Variants in EYS observed in about 807,000 individuals in gnomAD.
EYS encodes the protein protein eyes shut homolog.
In EYS, 250 loss-of-function variants were observed where a neutral mutation model predicts 282.1. The ratio of observed to expected loss-of-function variants is 0.89; its 90% CI spans 0.80 to 0.98. The LOEUF (loss-of-function observed/expected upper bound fraction) is 0.98, where lower values mean the gene tolerates loss of function less well. Among genes scored for constraint, EYS ranks in the 50% least tolerant of loss-of-function variants. The probability of loss-of-function intolerance (pLI) is 0.00; values close to 1 mark genes in which losing one functional copy is unlikely to be tolerated. For synonymous variants in EYS, 1,355 were observed against 1,282.9 expected, an observed-to-expected ratio of 1.06 and a Z score of -1.20; for missense variants, 4,016 against 3,709.0, an observed-to-expected ratio of 1.08 and a Z score of -2.15.
At chr6:64,562,737 A>C (rs990660929) in intron 26 of EYS, among the ~76,000 whole-genome samples, 2 of 151,928 alleles carry the variant, frequency 1.3e-5, no homozygotes, top group Admixed American at 1.3e-4. Flanking sequence ...CTATATGTTT[A>C]TGCTATGTTT....
intron 29 of EYS, among the ~76,000 whole-genome samples, chr6:64,324,625 CA>C (rs1405086825): frequency 5.9e-5 from 9 of 152,150 alleles, no homozygotes; most frequent in African/African-American, 1.9e-4. Flanking sequence ...CCACAGTAAT[CA>C]GGCAACAGAA....
rs73455434 is a variant in EYS, at chr6:64,555,637, A to G, written c.5644+34586T>C. ...TTGTAATATAAAAAATAAATTTAAA[A>G]AATATATGTACAAAAAGGAAATACA... On this transcript the variant is annotated intron_variant, in intron 26 of 42. Coordinates refer to ENST00000503581, the MANE Select transcript of EYS (RefSeq NM_001142800.2). Among the ~76,000 whole-genome samples, 369 of 152,094 alleles carry G rather than the reference A, an allele frequency of 2.4e-3. 1 individual carries two copies. The highest frequency in any genetic ancestry group is 8.2e-3 in the African/African-American group (340 of 41,560).
At chr6:64,354,030 C>T (rs1771737020) in intron 29 of EYS, among the ~76,000 whole-genome samples, 1 of 151,572 alleles carries the variant, frequency 6.6e-6, no homozygotes, top group Non-Finnish European at 1.5e-5. Context: ...GAACACTGCT[C>T]TTGTTGGTGG....
intron 15 of EYS, among the ~76,000 whole-genome samples, chr6:64,944,272 A>G (rs902734791): frequency 5.9e-5 from 9 of 152,214 alleles, no homozygotes; most frequent in African/African-American, 1.9e-4. Context: ...GAATCCTAAA[A>G]GAAAACCTAG....
At position 64,764,884 on chromosome 6, in the gene EYS, A is replaced by G. The variant is rs534016124; in HGVS notation, c.3443+48494T>C. Reference sequence around the variant, plus strand: ...CTCCCAAGTAGGTGGGATTACAGGCATGCACCACCATGCCCAGCTAATTTT... The same window carrying G: ...CTCCCAAGTAGGTGGGATTACAGGCGTGCACCACCATGCCCAGCTAATTTT... On this transcript the variant is annotated intron_variant, in intron 22 of 42. Transcript: ENST00000503581. Among the ~76,000 whole-genome samples, 5 of 152,212 alleles carry G rather than the reference A, an allele frequency of 3.3e-5. No individual in the cohort carries two copies. In the East Asian group the frequency reaches 9.7e-4, roughly 30 times the overall value.
intron 31 of EYS, among the ~76,000 whole-genome samples, chr6:64,169,420 T>C (rs1472744050): frequency 7.9e-6 from 1 of 127,084 alleles, no homozygotes; most frequent in Non-Finnish European, 1.7e-5. Context: ...ACTCAAACAA[T>C]TTGAGGAGGA....
intron 1 of EYS, among the ~76,000 whole-genome samples, chr6:65,662,835 C>CTTGTTAT: frequency 6.6e-6 from 1 of 152,112 alleles, no homozygotes; most frequent in Non-Finnish European, 1.5e-5. Context: ...ACAAGTTAGT[C>CTTGTTAT]AAGGTTGTTA....
chr6:64,037,356 CTA>C (rs1190342081), intron 33 of EYS, among the ~76,000 whole-genome samples: 1 of 152,028 alleles, frequency 6.6e-6, no homozygotes, highest in Non-Finnish European at 1.5e-5. Context: ...AAAGTGGAAA[CTA>C]AATTAAATAC....
At chr6:64,689,661 G>T (rs1049683786) in intron 22 of EYS, among the ~76,000 whole-genome samples, 134 of 152,090 alleles carry the variant, frequency 8.8e-4, no homozygotes, top group African/African-American at 3.1e-3. Context: ...AGAGCCCTCA[G>T]AAATAATACT....
intron 29 of EYS, 101 bp downstream of exon 29, chr6:64,388,589 G>T (rs2150424819): frequency 8.6e-7 from 1 of 1,162,660 alleles, no homozygotes; most frequent in East Asian, 2.8e-5. Flanking sequence ...GGCCCCACTA[G>T]CCAGAAAATA....
At chr6:63,877,098 G>A (rs184122160) in intron 35 of EYS, among the ~76,000 whole-genome samples, 33 of 152,210 alleles carry the variant, frequency 2.2e-4, no homozygotes, top group African/African-American at 5.8e-4. Flanking sequence ...ATTTTGCAGC[G>A]GCTGGTACTG....
intron 21 of EYS, among the ~76,000 whole-genome samples, 190 bp downstream of exon 21, chr6:64,821,455 T>G (rs1480082189): frequency 1.3e-5 from 2 of 151,216 alleles, no homozygotes; most frequent in African/African-American, 2.4e-5. Context: ...AAAGAAAAGG[T>G]GGGGGAAAAA....
intron 29 of EYS, among the ~76,000 whole-genome samples, chr6:64,340,195 A>C (rs1433950020): frequency 6.6e-6 from 1 of 151,606 alleles, no homozygotes; most frequent in Non-Finnish European, 1.5e-5. Context: ...GTGTGTAAAA[A>C]AAAAAAGAAA....
chr6:64,512,330 T>C (rs911718696), intron 26 of EYS, among the ~76,000 whole-genome samples: 1 of 151,952 alleles, frequency 6.6e-6, no homozygotes, highest in Admixed American at 6.6e-5. Context: ...GGAGGAGATG[T>C]GGAAAGAATA....
intron 12 of EYS, among the ~76,000 whole-genome samples, chr6:65,150,051 TG>T (rs1400243895): frequency 2.0e-5 from 3 of 151,898 alleles, no homozygotes; most frequent in Non-Finnish European, 4.4e-5. Context: ...GAGAACAGCA[TG>T]GGGGAACCGC....
intron 15 of EYS, among the ~76,000 whole-genome samples, chr6:64,941,676 G>A (rs1391354356): frequency 1.3e-5 from 2 of 151,942 alleles, no homozygotes; most frequent in Non-Finnish European, 2.9e-5. Flanking sequence ...AGTACCCAGT[G>A]TTTAGCTTCC....
chr6:64,365,667 A>G (rs1025085174), intron 29 of EYS, among the ~76,000 whole-genome samples: 1 of 152,068 alleles, frequency 6.6e-6, no homozygotes, highest in Admixed American at 6.6e-5. Context: ...CTTAAACAGT[A>G]TATAACTTTT....
intron 26 of EYS, among the ~76,000 whole-genome samples, chr6:64,483,251 T>C (rs1233113716): frequency 2.6e-5 from 4 of 151,734 alleles, no homozygotes; most frequent in Non-Finnish European, 5.9e-5. Context: ...CCAAAAAGTA[T>C]GTGGAACGTT....
intron 31 of EYS, among the ~76,000 whole-genome samples, chr6:64,124,004 G>C (rs977896294): frequency 6.6e-6 from 1 of 152,096 alleles, no homozygotes; most frequent in African/African-American, 2.4e-5. Flanking sequence ...ACTGGAAGGC[G>C]AAGCATCCAA....
Sources: gnomAD v4.1 joint callset for allele counts (sites outside exome capture counted in the v4.1 genomes callset) on GRCh38, gnomAD v4.1.1 for gene constraint, MANE v1.5 for transcripts, NCBI Gene and HGNC (gene_info 2026-07-23, HGNC 2026-07-21) for gene names.